GPC3: variants seen among roughly 807,000 people sequenced by gnomAD.
GPC3 encodes glypican 3.
A neutral mutation model predicts 34.4 loss-of-function variants in GPC3; 3 were observed. The observed-to-expected ratio is 0.09, with a 90% confidence interval of 0.04 to 0.23. The LOEUF is 0.23. Ranked by LOEUF, GPC3 falls within the 10% of genes least tolerant of loss-of-function variation. GPC3 has a pLI of 1.00. For synonymous variants in GPC3, 177 were observed against 174.0 expected, an observed-to-expected ratio of 1.02 and a Z score of -0.13; for missense variants, 351 against 445.6, an observed-to-expected ratio of 0.79 and a Z score of 1.91.
rs1207512605 is a variant in GPC3, at chrX:133,624,862, A to G, written c.1414-28263T>C. ...AGCCTGGCAGTGACACAACAAAAAA[A>G]AAAAGAGAATTTTAGACCAATATCC... is the stretch of plus-strand genomic sequence containing the variant. On this transcript the variant is annotated intron_variant, in intron 6 of 7. Coordinates refer to ENST00000370818, the MANE Select transcript of GPC3 (RefSeq NM_004484.4). 6.3e-5 allele frequency among the ~76,000 whole-genome samples: 7 copies of G among 111,382 alleles called. No homozygotes were observed. In the East Asian group the frequency reaches 2.0e-3, roughly 31 times the overall value.
At chrX:133,861,036 A>C (rs1406326613) in intron 2 of GPC3, among the ~76,000 whole-genome samples, 1 of 111,435 alleles carries the variant, frequency 9.0e-6, no homozygotes, top group Non-Finnish European at 1.9e-5. Flanking sequence ...TGGGAGGTTG[A>C]ATCTGCAGTG....
At chrX:133,654,142 T>A (rs2070628171) in intron 6 of GPC3, among the ~76,000 whole-genome samples, 1 of 111,657 alleles carries the variant, frequency 9.0e-6, no homozygotes, top group Non-Finnish European at 1.9e-5. Context: ...TCCTTTGAAT[T>A]GACTGATCAG....
intron 2 of GPC3, among the ~76,000 whole-genome samples, chrX:133,815,014 C>T (rs901091144): frequency 7.2e-5 from 8 of 110,900 alleles, no homozygotes; most frequent in Middle Eastern, 4.2e-3. Flanking sequence ...GTCTGAAAAC[C>T]CAATGAAGCT....
chrX:133,750,827 A>C lies in GPC3; in HGVS notation c.1032+2655T>G, dbSNP rs1250436722. Among the ~76,000 whole-genome samples the C allele has an allele frequency of 3.6e-5, 4 of 110,309 alleles. No homozygotes were observed. In the Admixed American group the frequency reaches 3.9e-4, roughly 11 times the overall value. ...GGTGGCTCATGCCTGTAGTCTCAGC[A>C]CTTTGGGCGGCCTAGGTGGGTGGAT... is the stretch of plus-strand genomic sequence containing the variant. On this transcript the variant is annotated intron_variant, in intron 3 of 7. Coordinates refer to ENST00000370818, the MANE Select transcript of GPC3 (RefSeq NM_004484.4).
intron 1 of GPC3, among the ~76,000 whole-genome samples, chrX:133,980,178 A>G (rs751779357): frequency 2.1e-4 from 24 of 112,342 alleles, no homozygotes; most frequent in African/African-American, 7.1e-4. Flanking sequence ...AATGCTGCTA[A>G]TTTCAATTTG....
chrX:133,948,722 A>C (rs2076380126), intron 2 of GPC3, among the ~76,000 whole-genome samples: 1 of 112,020 alleles, frequency 8.9e-6, no homozygotes, highest in African/African-American at 3.2e-5. Context: ...TTGACACTTC[A>C]AACAGTACAG....
intron 3 of GPC3, among the ~76,000 whole-genome samples, chrX:133,708,215 ACT>A (rs893049398): frequency 3.6e-5 from 4 of 111,722 alleles, no homozygotes; most frequent in African/African-American, 1.3e-4. Context: ...ATAAAGCTGC[ACT>A]GTTTACTCAA....
At chrX:133,726,823 C>A (rs1019277415) in intron 3 of GPC3, among the ~76,000 whole-genome samples, 4 of 112,375 alleles carry the variant, frequency 3.6e-5, no homozygotes, top group African/African-American at 9.7e-5. Flanking sequence ...TGTGCTCTTC[C>A]TATCAGGAAA....
chrX:133,774,516 T>C (rs1027490604), intron 2 of GPC3, among the ~76,000 whole-genome samples: 9 of 111,155 alleles, frequency 8.1e-5, no homozygotes, highest in Non-Finnish European at 1.5e-4. Context: ...GTGGAAGCAA[T>C]GTCAACCCAA....
chrX:133,885,425 C>A (rs1353513090), intron 2 of GPC3, among the ~76,000 whole-genome samples: 1 of 111,344 alleles, frequency 9.0e-6, no homozygotes, highest in Non-Finnish European at 1.9e-5. Flanking sequence ...ATCTCGGCAG[C>A]AAAAATGGGG....
In GPC3 at chrX:133,692,375, A is replaced by G. The variant is rs755117392; in HGVS notation, c.1286T>C (p.Val429Ala). 1 of 1,211,363 alleles carries G rather than the reference A, an allele frequency of 8.3e-7. No individual in the cohort carries two copies. Among genetic ancestry groups the G allele is most frequent in the Non-Finnish European group, 1.1e-6 (1 of 894,651 alleles). The change falls in exon 5 of 8, where the codon GTG (valine) becomes GCG (alanine). Residue 429 changes from valine (V) to alanine (A), a missense_variant. By Grantham distance (64) the Val-to-Ala change is moderately conservative (BLOSUM62 0). Transcript: ENST00000370818. ...DTLCWNGQEL[V>A]ERYSQKAARN... ...AACTTTCAAAAAAGATCACCTCTCC[A>G]CGAGTTCTTGTCCATTCCAGCAAAG...
intron 2 of GPC3, among the ~76,000 whole-genome samples, chrX:133,891,986 C>T (rs2076090144): frequency 9.1e-6 from 1 of 110,252 alleles, no homozygotes; most frequent in African/African-American, 3.3e-5. Context: ...AATGGGCCCC[C>T]ACCTCACCAG....
chrX:133,677,153 C>T (rs1026017526), intron 5 of GPC3, among the ~76,000 whole-genome samples: 4 of 111,617 alleles, frequency 3.6e-5, no homozygotes, highest in African/African-American at 1.3e-4. Flanking sequence ...CCAAACTCTC[C>T]AACATTAGAA....
chrX:133,874,023 G>A (rs1161015545), intron 2 of GPC3, among the ~76,000 whole-genome samples: 1 of 111,234 alleles, frequency 9.0e-6, no homozygotes, highest in Non-Finnish European at 1.9e-5. Context: ...TGGTACCCAC[G>A]AAGAGTTCCC....
Position 133,876,420 on chromosome X carries a change from A to G in GPC3, c.337+76630T>C, listed in dbSNP as rs1213452517. Among the ~76,000 whole-genome samples the G allele has an allele frequency of 1.1e-4, 12 of 112,071 alleles. 1 individual carries two copies. Among genetic ancestry groups the G allele is most frequent in the Non-Finnish European group, 2.1e-4 (11 of 53,222 alleles). Reference sequence around the variant, plus strand: ...GGTTCCCAGGGTAAGGTGATACTAAAGAAAGCACAGCCTCAAATAAGATAA... The same window carrying G: ...GGTTCCCAGGGTAAGGTGATACTAAGGAAAGCACAGCCTCAAATAAGATAA... On this transcript the variant is annotated intron_variant, in intron 2 of 7. Coordinates refer to ENST00000370818, the MANE Select transcript of GPC3 (RefSeq NM_004484.4).
intron 7 of GPC3, among the ~76,000 whole-genome samples, chrX:133,566,144 A>T (rs1193499679): frequency 8.9e-6 from 1 of 112,270 alleles, no homozygotes; most frequent in Non-Finnish European, 1.9e-5. Flanking sequence ...TTTAAGCACA[A>T]TTGAGCTTTA....
chrX:133,788,787 C>A (rs1390601106), intron 2 of GPC3, among the ~76,000 whole-genome samples: 2 of 99,029 alleles, frequency 2.0e-5, no homozygotes, highest in Admixed American at 1.2e-4. Flanking sequence ...TTTGTTTCTT[C>A]TTCCTTTTCT....
intron 5 of GPC3, among the ~76,000 whole-genome samples, chrX:133,686,079 G>C (rs1351776724): frequency 1.8e-5 from 2 of 112,203 alleles, no homozygotes; most frequent in African/African-American, 6.5e-5. Context: ...AGTTGTCTAT[G>C]CAGAGTTGAT....
intron 7 of GPC3, among the ~76,000 whole-genome samples, chrX:133,553,459 G>A (rs991082845): frequency 8.9e-6 from 1 of 112,031 alleles, no homozygotes; most frequent in African/African-American, 3.2e-5. Flanking sequence ...CTAAAAATAC[G>A]AAATGATAAA....
Sources: gnomAD v4.1 joint callset for allele counts (sites outside exome capture counted in the v4.1 genomes callset) on GRCh38, gnomAD v4.1.1 for gene constraint, MANE v1.5 for transcripts, NCBI Gene and HGNC (gene_info 2026-07-23, HGNC 2026-07-21) for gene names.